WDR70: variants seen among roughly 807,000 people sequenced by gnomAD.
The protein encoded by WDR70 is WD repeat-containing protein 70.
Under a neutral mutation model 88.6 loss-of-function variants are expected in WDR70, and 53 were observed. The observed-to-expected ratio is 0.60, with a 90% CI of 0.48 to 0.75. WDR70 has a LOEUF of 0.75. Among genes scored for constraint, WDR70 ranks in the 30% least tolerant of loss-of-function variants. The pLI, the probability that WDR70 is intolerant of heterozygous loss-of-function variation, is 0.00. For synonymous variants in WDR70, 280 were observed against 270.0 expected (o/e 1.04, Z -0.36); for missense variants, 610 against 823.2 (o/e 0.74, Z 3.17).
In WDR70 at chr5:37,479,927, T is replaced by C; in HGVS notation, c.780T>C (p.Gly260=). The part of the protein sequence containing the change: ...SSQAKVIDRD[G]FEVMECIKGD... ...AGGCCAAGGTGATTGACAGAGATGG[T>C]TTTGAAGTAATGGAATGTATAAAAG... The change falls in exon 8 of 18, where the codon GGT becomes GGC. Residue 260 remains glycine (G), a synonymous_variant. Coordinates refer to ENST00000265107, the MANE Select transcript of WDR70 (RefSeq NM_018034.4). The C allele has an allele frequency of 6.2e-7, 1 of 1,614,094 alleles. No individual in the cohort carries two copies. The highest frequency in any genetic ancestry group is 8.5e-7 in the Non-Finnish European group (1 of 1,180,002).
chr5:37,638,647 A>G (rs926777618), intron 10 of WDR70, among the ~76,000 whole-genome samples: 1 of 152,362 alleles, frequency 6.6e-6, no homozygotes, highest in Admixed American at 6.5e-5. Flanking sequence ...CATGTTAGCA[A>G]TACCATTTCT....
At chr5:37,670,451 T>C (rs143114966) in intron 10 of WDR70, among the ~76,000 whole-genome samples, 206 of 152,336 alleles carry the variant, frequency 1.4e-3, no homozygotes, top group Admixed American at 1.1e-3. Flanking sequence ...ATACAAAGTA[T>C]AGAGAAACAG....
chr5:37,563,782 G>A (rs1385303532), intron 9 of WDR70, among the ~76,000 whole-genome samples: 3 of 132,688 alleles, frequency 2.3e-5, no homozygotes, highest in Admixed American at 7.8e-5. Context: ...AGTGGCTGCC[G>A]GGCGGAGGGG....
intron 3 of WDR70, among the ~76,000 whole-genome samples, chr5:37,389,695 A>G (rs1441018273): frequency 6.6e-6 from 1 of 152,100 alleles, no homozygotes; most frequent in East Asian, 1.9e-4. Context: ...TACAGGCGTG[A>G]GCCACCGTGC....
At chr5:37,450,154 G>C (rs941837868) in intron 7 of WDR70, among the ~76,000 whole-genome samples, 19 of 152,182 alleles carry the variant, frequency 1.2e-4, no homozygotes, top group African/African-American at 4.3e-4. Flanking sequence ...TCATTGATGG[G>C]CATTTGGGTT....
At chr5:37,722,122 G>C (rs2112697148) in intron 14 of WDR70, 1 of 152,232 alleles carries the variant, frequency 6.6e-6, no homozygotes, top group Non-Finnish European at 1.5e-5. Context: ...TATGGTATTT[G>C]AAAACAAATA....
At chr5:37,708,922 C>G (rs761662758) in intron 13 of WDR70, among the ~76,000 whole-genome samples, 76 of 152,276 alleles carry the variant, frequency 5.0e-4, no homozygotes, top group Admixed American at 1.9e-3. Flanking sequence ...CTCATCTGTT[C>G]TTTCATTTCA....
chr5:37,544,367 C>A (rs1581381838), intron 9 of WDR70, among the ~76,000 whole-genome samples: 1 of 152,178 alleles, frequency 6.6e-6, no homozygotes, highest in Non-Finnish European at 1.5e-5. Context: ...ACAAATTATC[C>A]TCTCTCCCCA....
chr5:37,491,449 T>G (rs1049822711), intron 8 of WDR70, among the ~76,000 whole-genome samples: 2 of 152,226 alleles, frequency 1.3e-5, no homozygotes, highest in Non-Finnish European at 2.9e-5. Flanking sequence ...TCTTCAACTC[T>G]TTTTCTTTTC....
intron 8 of WDR70, 118 bp downstream of exon 8, chr5:37,480,105 A>G (rs1739617321): frequency 8.0e-7 from 1 of 1,254,496 alleles, no homozygotes; most frequent in Non-Finnish European, 1.1e-6. Flanking sequence ...ATAGCAATTT[A>G]TTTGTTCTCA....
At chr5:37,693,088 A>AT (rs1476263977) in intron 10 of WDR70, among the ~76,000 whole-genome samples, 1 of 152,098 alleles carries the variant, frequency 6.6e-6, no homozygotes. Context: ...AAACAGCCAA[A>AT]TCATGAGTGA....
intron 10 of WDR70, among the ~76,000 whole-genome samples, chr5:37,621,123 G>A (rs1169688218): frequency 6.6e-6 from 1 of 152,036 alleles, no homozygotes; most frequent in Non-Finnish European, 1.5e-5. Context: ...CTACCCATCA[G>A]CTTCTTACAG....
intron 9 of WDR70, among the ~76,000 whole-genome samples, chr5:37,582,409 A>G (rs1352039203): frequency 6.6e-6 from 1 of 152,238 alleles, no homozygotes; most frequent in East Asian, 1.9e-4. Flanking sequence ...TATCAGCAAT[A>G]TAACATAAGA....
intron 10 of WDR70, among the ~76,000 whole-genome samples, chr5:37,639,757 T>C (rs1264195365): frequency 6.6e-6 from 1 of 152,210 alleles, no homozygotes; most frequent in Non-Finnish European, 1.5e-5. Context: ...ATCCTTGACT[T>C]CTGCTTAGCA....
intron 3 of WDR70, 55 bp downstream of exon 3, chr5:37,381,740 T>C (rs1370097185): frequency 1.1e-5 from 17 of 1,536,190 alleles, no homozygotes; most frequent in Admixed American, 3.4e-5. Context: ...GTATACCTCA[T>C]GCAAGTATAT....
chr5:37,474,200 G>T (rs1211839420), intron 7 of WDR70, among the ~76,000 whole-genome samples: 1 of 152,118 alleles, frequency 6.6e-6, no homozygotes, highest in Non-Finnish European at 1.5e-5. Flanking sequence ...TATGCTATAT[G>T]ATTTTAGGTT....
At chr5:37,521,019 G>A (rs946541973) in intron 9 of WDR70, among the ~76,000 whole-genome samples, 1 of 151,786 alleles carries the variant, frequency 6.6e-6, no homozygotes, top group East Asian at 1.9e-4. Flanking sequence ...TAACCACAGA[G>A]GACCTGGGCT....
At chr5:37,710,165 G>T (rs911688031) in intron 13 of WDR70, among the ~76,000 whole-genome samples, 2 of 151,822 alleles carry the variant, frequency 1.3e-5, no homozygotes, top group Non-Finnish European at 2.9e-5. Context: ...AAGATGACAG[G>T]AACTAGTTTA....
intron 9 of WDR70, among the ~76,000 whole-genome samples, chr5:37,532,129 T>G (rs1741512458): frequency 6.6e-6 from 1 of 152,230 alleles, no homozygotes; most frequent in South Asian, 2.1e-4. Flanking sequence ...AGAAATCTGC[T>G]GTTAATCCAA....
Sources: allele counts gnomAD v4.1 joint callset (sites outside exome capture counted in the v4.1 genomes callset), GRCh38; gene constraint gnomAD v4.1.1; transcripts MANE v1.5; gene names NCBI Gene and HGNC (gene_info 2026-07-23, HGNC 2026-07-21).